SERINC5: variants seen among roughly 807,000 people sequenced by gnomAD.
The protein encoded by SERINC5 is serine incorporator 5.
A neutral mutation model predicts 63.1 loss-of-function variants in SERINC5; 41 were observed. The ratio of observed to expected loss-of-function variants is 0.65; its 90% confidence interval spans 0.51 to 0.84. The LOEUF (loss-of-function observed/expected upper bound fraction) is 0.84, where lower values mean the gene tolerates loss of function less well. SERINC5 is among the 40% of genes least tolerant of loss of function. The pLI is 0.00. For synonymous variants in SERINC5, 222 were observed against 215.2 expected (o/e 1.03, Z -0.28); for missense variants, 523 against 573.0 (o/e 0.91, Z 0.89).
intron 7 of SERINC5, 98 bp from the exon 8 acceptor site, chr5:80,159,060 A>T: frequency 1.6e-6 from 2 of 1,226,950 alleles, no homozygotes; most frequent in Non-Finnish European, 2.3e-6. Context: ...GCTGTGGTGT[A>T]CCTCCTTAGA....
At chr5:80,119,754 T>A (rs939924725) in intron 11 of SERINC5, among the ~76,000 whole-genome samples, 11 of 152,234 alleles carry the variant, frequency 7.2e-5, no homozygotes, top group African/African-American at 2.7e-4. Context: ...CACATCTGAA[T>A]AACCCAGAGA....
At chr5:80,163,513 A>G (rs944005285) in intron 7 of SERINC5, among the ~76,000 whole-genome samples, 9 of 149,830 alleles carry the variant, frequency 6.0e-5, no homozygotes, top group Non-Finnish European at 1.2e-4. Flanking sequence ...TATTCCTTCT[A>G]TTATTTTAAG....
chr5:80,177,507 A>C, intron 3 of SERINC5, 110 bp from the exon 4 acceptor site: 4 of 850,912 alleles, frequency 4.7e-6, no homozygotes, highest in Non-Finnish European at 7.6e-6. Context: ...CCATTGGCCA[A>C]TGTTCTCTCC....
intron 11 of SERINC5, chr5:80,128,991 C>A (rs575450982): frequency 6.6e-6 from 1 of 152,336 alleles, no homozygotes; most frequent in Non-Finnish European, 1.5e-5. Context: ...TTTCCAAACT[C>A]CTTGGTTCAA....
rs1751303992 is a variant in SERINC5 at position 80,229,050 on chromosome 5, T to TGGTGGGGGG, written c.28-25998_28-25997insCCCCCCACC. Among the ~76,000 whole-genome samples, 21 of 94,164 alleles carry TGGTGGGGGG rather than the reference T, an allele frequency of 2.2e-4. 3 individuals carry two copies. In the Admixed American group the frequency reaches 2.8e-3, roughly 12 times the overall value. 61.8% of individuals were successfully genotyped at this position (94,164 alleles called of 152,430 possible). ...TTTTTTTTTTTTTTTTTTTTTTTTTTGGGGATGGAGTTGCCTAGGCTGGAG... is the reference window on the plus strand; with the variant it reads ...TTTTTTTTTTTTTTTTTTTTTTTTTTGGTGGGGGGGGGGATGGAGTTGCCTAGGCTGGAG... On this transcript the variant is annotated intron_variant, in intron 1 of 11. Coordinates refer to ENST00000507668, the MANE Select transcript of SERINC5 (RefSeq NM_001174072.3).
intron 1 of SERINC5, among the ~76,000 whole-genome samples, chr5:80,238,094 ACT>A (rs1359832839): frequency 2.3e-5 from 3 of 127,756 alleles, no homozygotes; most frequent in African/African-American, 6.1e-5. Context: ...ACAGAGTAAG[ACT>A]CTGTCTCAAA....
chr5:80,240,501 A>T (rs183651925), intron 1 of SERINC5, among the ~76,000 whole-genome samples: 1 of 152,190 alleles, frequency 6.6e-6, no homozygotes, highest in African/African-American at 2.4e-5. Context: ...TCCCCGTGAG[A>T]CCTGTGGTTT....
At chr5:80,144,936 G>C (rs1745721167) in intron 11 of SERINC5, among the ~76,000 whole-genome samples, 1 of 150,362 alleles carries the variant, frequency 6.7e-6, no homozygotes, top group Non-Finnish European at 1.5e-5. Flanking sequence ...TGGACCTGTA[G>C]AAAAAGTATG....
chr5:80,235,112 A>G (rs960489723), intron 1 of SERINC5, among the ~76,000 whole-genome samples: 1 of 152,168 alleles, frequency 6.6e-6, no homozygotes, highest in African/African-American at 2.4e-5. Context: ...GCCCTTGGGA[A>G]CCACCTTTCT....
chr5:80,207,928 T>C (rs17199799), intron 1 of SERINC5, among the ~76,000 whole-genome samples: 13,346 of 152,206 alleles, frequency 0.088, 760 homozygotes, highest in Non-Finnish European at 0.13. Context: ...TGAACACGTG[T>C]TTCTGGAGGA....
intron 4 of SERINC5, among the ~76,000 whole-genome samples, chr5:80,176,005 C>T (rs1748009012): frequency 6.6e-6 from 1 of 151,866 alleles, no homozygotes; most frequent in East Asian, 1.9e-4. Context: ...ATGGTGAAAC[C>T]CCGTCTCTAC....
chr5:80,181,308 G>A (rs1266146690), intron 2 of SERINC5, among the ~76,000 whole-genome samples: 4 of 151,938 alleles, frequency 2.6e-5, no homozygotes, highest in African/African-American at 2.4e-5. Flanking sequence ...GTGCAGTGGC[G>A]CAATCTTGGC....
At chr5:80,153,759 C>CCCCAA (rs1746337742) in intron 8 of SERINC5, among the ~76,000 whole-genome samples, 1 of 151,834 alleles carries the variant, frequency 6.6e-6, no homozygotes, top group South Asian at 2.1e-4. Context: ...TGCCACCCCA[C>CCCCAA]CCCAACCCAG....
intron 1 of SERINC5, among the ~76,000 whole-genome samples, chr5:80,223,038 A>G (rs1363754511): frequency 6.7e-6 from 1 of 149,760 alleles, no homozygotes; most frequent in African/African-American, 2.5e-5. Context: ...TTATTTTTTT[A>G]TAGAGATGAG....
intron 11 of SERINC5, among the ~76,000 whole-genome samples, chr5:80,114,213 A>T (rs889724453): frequency 2.0e-5 from 3 of 151,580 alleles, no homozygotes; most frequent in South Asian, 4.2e-4. Context: ...ATTTATAAAG[A>T]AAGGAGGTTT....
intron 1 of SERINC5, among the ~76,000 whole-genome samples, chr5:80,221,217 T>C (rs987527799): frequency 6.6e-6 from 1 of 151,938 alleles, no homozygotes; most frequent in African/African-American, 2.4e-5. Flanking sequence ...AATAAATAAA[T>C]AAACCTTCCC....
At chr5:80,182,720 AT>A (rs554480841) in intron 2 of SERINC5, among the ~76,000 whole-genome samples, 43 of 151,840 alleles carry the variant, frequency 2.8e-4, no homozygotes, top group Middle Eastern at 3.4e-3. Context: ...TAATTTTTGT[AT>A]TTTTAGTAGA....
chr5:80,172,343 G>A (rs1365556929), intron 5 of SERINC5, among the ~76,000 whole-genome samples: 1 of 151,786 alleles, frequency 6.6e-6, no homozygotes, highest in African/African-American at 2.4e-5. Context: ...AAATTGTTCA[G>A]AACAAAAAAA....
chr5:80,194,582 C>T (rs1749389978), intron 2 of SERINC5, among the ~76,000 whole-genome samples: 1 of 152,192 alleles, frequency 6.6e-6, no homozygotes, highest in Non-Finnish European at 1.5e-5. Context: ...CTGTTTTCTA[C>T]TTCAGAATAA....
Sources: allele counts gnomAD v4.1 joint callset (sites outside exome capture counted in the v4.1 genomes callset), GRCh38; gene constraint gnomAD v4.1.1; transcripts MANE v1.5; gene names NCBI Gene and HGNC (gene_info 2026-07-23, HGNC 2026-07-21).